PLXDC1: variants seen among roughly 807,000 people sequenced by gnomAD.
PLXDC1 encodes the protein plexin domain-containing protein 1.
Under a neutral mutation model 61.3 loss-of-function variants are expected in PLXDC1, and 39 were observed. The observed-to-expected ratio is 0.64, with a 90% CI of 0.49 to 0.83. The LOEUF (loss-of-function observed/expected upper bound fraction) is 0.83. Among genes scored for constraint, PLXDC1 ranks in the 40% least tolerant of loss-of-function variants. PLXDC1 has a pLI of 0.00. For missense variants in PLXDC1, 596 were observed against 666.5 expected, an observed-to-expected ratio of 0.89 and a Z score of 1.17; for synonymous variants, 212 against 254.5, an observed-to-expected ratio of 0.83 and a Z score of 1.59.
At position 39,107,400 on chromosome 17, in the gene PLXDC1, C is replaced by A; in HGVS notation, c.711+7G>T. The stretch of plus-strand genomic sequence containing the variant: ...ACCCAGCTGTCTCTGCAGCTGGGCC[C>A]ACTCACCTCTTTATAGGCAAAGACA... On this transcript the variant is annotated splice_region_variant and intron_variant, in intron 6 of 13. Coordinates refer to ENST00000315392, the MANE Select transcript of PLXDC1 (RefSeq NM_020405.5). The A allele has an allele frequency of 1.3e-6, 2 of 1,543,654 alleles. No individual in the cohort carries two copies. Among genetic ancestry groups the A allele is most frequent in the East Asian group, 2.3e-5 (1 of 44,188 alleles).
chr17:39,120,641 C>G (rs34722855), intron 2 of PLXDC1, among the ~76,000 whole-genome samples: 28,320 of 139,286 alleles, frequency 0.2, 2,842 homozygotes, highest in Middle Eastern at 0.37. Flanking sequence ...GTCTCACTCT[C>G]TTGCCTGATC....
intron 2 of PLXDC1, among the ~76,000 whole-genome samples, chr17:39,126,186 G>A (rs1035071433): frequency 2.0e-5 from 3 of 152,112 alleles, no homozygotes; most frequent in Non-Finnish European, 2.9e-5. Flanking sequence ...CCCAGGAGGT[G>A]GAGGTTGCAA....
At chr17:39,133,623 T>C (rs1225672628) in intron 2 of PLXDC1, among the ~76,000 whole-genome samples, 1 of 152,144 alleles carries the variant, frequency 6.6e-6, no homozygotes, top group Non-Finnish European at 1.5e-5. Context: ...TGGATCATTC[T>C]TTTCTATTTT....
chr17:39,091,952 C>CT (rs1198164436), intron 7 of PLXDC1, among the ~76,000 whole-genome samples: 27 of 79,434 alleles, frequency 3.4e-4, no homozygotes, highest in Non-Finnish European at 6.0e-4. Context: ...GAGTGAGACT[C>CT]TATCTCAAAA....
Position 39,063,360 on chromosome 17 carries a change from A to G in PLXDC1, c.*4480T>C. On this transcript the variant is annotated 3_prime_UTR_variant, in exon 14 of 14. Coordinates refer to ENST00000315392, the MANE Select transcript of PLXDC1 (RefSeq NM_020405.5). ...GTCCTCAGACAGTAGATAAAAATGC[A>G]TGGGGTTTACTTCCAGGGATTTACA... 1.5e-6 allele frequency: 1 copy of G among 655,506 alleles called. No homozygotes were observed. The highest frequency in any genetic ancestry group is 2.7e-6 in the Non-Finnish European group (1 of 364,886). The allele number at this position is 655,506 out of a possible 1,614,324, so 40.6% of individuals were successfully genotyped here.
chr17:39,079,051 C>G, intron 10 of PLXDC1, 53 bp downstream of exon 10: 1 of 1,490,430 alleles, frequency 6.7e-7, no homozygotes, highest in Non-Finnish European at 9.3e-7. Flanking sequence ...TGGCTGCCCT[C>G]CTGTTCCCCA....
intron 7 of PLXDC1, among the ~76,000 whole-genome samples, chr17:39,102,467 G>A (rs1485411289): frequency 1.3e-5 from 2 of 151,884 alleles, no homozygotes; most frequent in African/African-American, 2.4e-5. Context: ...TATAGCGTAC[G>A]GAAATACTCA....
chr17:39,072,722 C>T (rs559643854), intron 11 of PLXDC1: 15 of 552,004 alleles, frequency 2.7e-5, no homozygotes, highest in Non-Finnish European at 4.9e-5. Context: ...GGGCCGGCTG[C>T]CTGGAGAGCA....
At chr17:39,115,907 G>C (rs76459798) in intron 2 of PLXDC1, among the ~76,000 whole-genome samples, 1 of 152,088 alleles carries the variant, frequency 6.6e-6, no homozygotes, top group Non-Finnish European at 1.5e-5. Context: ...CCTGATGTCC[G>C]GAGTTCAAGA....
At chr17:39,108,632 A>T in intron 4 of PLXDC1, 1 of 531,196 alleles carries the variant, frequency 1.9e-6, no homozygotes, top group Non-Finnish European at 3.4e-6. Context: ...TCTCCCTCTT[A>T]TTCAGCAACT....
chr17:39,117,117 A>G (rs1910995899), intron 2 of PLXDC1, among the ~76,000 whole-genome samples: 1 of 152,230 alleles, frequency 6.6e-6, no homozygotes, highest in Non-Finnish European at 1.5e-5. Flanking sequence ...TGCCACTTTC[A>G]GTGTGGGCTT....
At chr17:39,146,278 C>A (rs1428402440) in intron 1 of PLXDC1, among the ~76,000 whole-genome samples, 2 of 152,076 alleles carry the variant, frequency 1.3e-5, no homozygotes, top group East Asian at 3.9e-4. Flanking sequence ...ACCATGTTGG[C>A]CAGGCTAGTC....
intron 2 of PLXDC1, chr17:39,126,999 C>T (rs536659496): frequency 1.1e-4 from 16 of 152,278 alleles, no homozygotes; most frequent in African/African-American, 3.9e-4. Flanking sequence ...CGGTCCCTTC[C>T]CACACCTTGA....
chr17:39,139,689 T>C lies in PLXDC1; in HGVS notation c.220A>G (p.Met74Val), dbSNP rs369017624. 8.1e-6 allele frequency: 13 copies of C among 1,608,708 alleles called. No individual in the cohort carries two copies. The African/African-American group carries it at 9.4e-5, about 12-fold the overall frequency. ...SQDLGGGTLA[M>V]DTLPDNRTRV... The stretch of plus-strand genomic sequence containing the variant: ...GTCCTGTTATCTGGCAGCGTGTCCA[T>C]GGCCAGGGTGCCCCCACCCAGGTCC... The change falls in exon 2 of 14, where the codon ATG (methionine) becomes GTG (valine). Residue 74 changes from methionine to valine, a missense_variant. Coordinates refer to ENST00000315392, the MANE Select transcript of PLXDC1 (RefSeq NM_020405.5).
At chr17:39,146,068 T>TC (rs1268539167) in intron 1 of PLXDC1, among the ~76,000 whole-genome samples, 2 of 142,550 alleles carry the variant, frequency 1.4e-5, no homozygotes, top group East Asian at 4.0e-4. Flanking sequence ...TTCGGCCCAT[T>TC]CCTTTTTTTT....
intron 2 of PLXDC1, among the ~76,000 whole-genome samples, chr17:39,136,402 G>A (rs1911753962): frequency 1.3e-5 from 2 of 152,136 alleles, no homozygotes; most frequent in South Asian, 4.1e-4. Context: ...TTGATGAACA[G>A]AATATCAAAA....
intron 9 of PLXDC1, 147 bp downstream of exon 9, chr17:39,083,312 G>A: frequency 1.4e-6 from 1 of 691,380 alleles, no homozygotes; most frequent in East Asian, 2.7e-5. Context: ...CCCAGGCCAT[G>A]TTCTTGTCCC....
chr17:39,147,846 G>T (rs984254114), intron 1 of PLXDC1, among the ~76,000 whole-genome samples: 19 of 152,138 alleles, frequency 1.2e-4, no homozygotes, highest in Admixed American at 5.9e-4. Flanking sequence ...GTGCTGGGGG[G>T]ACACAAGCCC....
chr17:39,108,640 A>C (rs1429904796), intron 4 of PLXDC1: 4 of 531,870 alleles, frequency 7.5e-6, no homozygotes, highest in Non-Finnish European at 1.4e-5. Context: ...TTATTCAGCA[A>C]CTCCGGGACA....
Sources: allele counts gnomAD v4.1 joint callset (sites outside exome capture counted in the v4.1 genomes callset), GRCh38; gene constraint gnomAD v4.1.1; transcripts MANE v1.5; gene names NCBI Gene and HGNC (gene_info 2026-07-23, HGNC 2026-07-21).